KCNN2: variants seen among roughly 807,000 people sequenced by gnomAD.
The protein encoded by KCNN2 is potassium calcium-activated channel subfamily N member 2.
KCNN2 carries 24 observed loss-of-function variants against 55.5 expected under a neutral mutation model. That is an observed-to-expected ratio of 0.43 (90% confidence interval 0.31 to 0.61). KCNN2 has a LOEUF of 0.61. KCNN2 is among the 20% of genes least tolerant of loss of function. The pLI is 0.08. For missense variants in KCNN2, 754 were observed against 853.6 expected (o/e 0.88, Z 1.45); for synonymous variants, 431 against 336.1 (o/e 1.28, Z -3.09).
chr5:114,358,544 G>A (rs76029043), upstream of KCNN2, among the ~76,000 whole-genome samples: 3 of 152,174 alleles, frequency 2.0e-5, no homozygotes, highest in African/African-American at 7.2e-5. Flanking sequence ...GACCTCTGGT[G>A]TTAATCTAGG....
intron 1 of KCNN2, among the ~76,000 whole-genome samples, chr5:114,160,953 T>C (rs919259251): frequency 1.9e-4 from 29 of 152,198 alleles, no homozygotes; most frequent in African/African-American, 7.0e-4. Flanking sequence ...CTTGACTCTT[T>C]ATCCAATTTG....
intron 3 of KCNN2, among the ~76,000 whole-genome samples, chr5:114,417,105 A>G (rs1310072939): frequency 6.6e-6 from 1 of 152,238 alleles, no homozygotes; most frequent in African/African-American, 2.4e-5. Context: ...ATCTTACGAA[A>G]TGAAACATCC....
At chr5:114,250,210 G>A (rs2112625500) in intron 2 of KCNN2, among the ~76,000 whole-genome samples, 1 of 152,288 alleles carries the variant, frequency 6.6e-6, no homozygotes, top group South Asian at 2.1e-4. Context: ...TTTAAAAAAA[G>A]GAATGTTATA....
chr5:114,205,825 A>G lies in KCNN2; in HGVS notation c.-270-15655A>G, dbSNP rs79670277. Among the ~76,000 whole-genome samples the G allele has an allele frequency of 9.8e-5, 15 of 152,342 alleles. No individual in the cohort carries two copies. The East Asian group carries it at 1.3e-3, about 14-fold the overall frequency. Reference sequence around the variant, plus strand: ...TGCTGTCTTTAGCATATTAAAAACCATAAGTGATGAAATCTTTTTTAAGAT... The same window carrying G: ...TGCTGTCTTTAGCATATTAAAAACCGTAAGTGATGAAATCTTTTTTAAGAT... On this transcript the variant is annotated intron_variant, in intron 1 of 10. Coordinates refer to the KCNN2 transcript ENST00000512097.
intron 1 of KCNN2, among the ~76,000 whole-genome samples, chr5:114,118,427 A>C (rs1751761651): frequency 6.6e-6 from 1 of 152,164 alleles, no homozygotes; most frequent in Admixed American, 6.5e-5. Context: ...CGGGAAAGCC[A>C]GTTTGTGTAA....
intron 2 of KCNN2, among the ~76,000 whole-genome samples, chr5:114,237,421 A>C (rs1754525562): frequency 1.3e-5 from 2 of 152,062 alleles, no homozygotes; most frequent in Non-Finnish European, 2.9e-5. Flanking sequence ...GAGCTGACCT[A>C]GATTAGTATC....
chr5:114,139,920 A>T (rs949505237), intron 1 of KCNN2, among the ~76,000 whole-genome samples: 1 of 152,058 alleles, frequency 6.6e-6, no homozygotes, highest in African/African-American at 2.4e-5. Flanking sequence ...ATAGACTTCA[A>T]CCAAAATAAC....
In KCNN2 at chr5:114,258,958, G is replaced by A. The variant is rs113205365; in HGVS notation, c.-185+37393G>A. The stretch of plus-strand genomic sequence containing the variant: ...GCACACCACCAGTGGGGCTGCAGCT[G>A]CCCCTTAAAGCGCTAGAAAAGCCAT... On this transcript the variant is annotated intron_variant, in intron 2 of 10. Transcript: ENST00000512097. 6.3e-3 allele frequency among the ~76,000 whole-genome samples: 958 copies of A among 152,300 alleles called. 8 individuals carry two copies. Among genetic ancestry groups the A allele is most frequent in the African/African-American group, 0.022 (908 of 41,562 alleles).
At chr5:114,447,105 C>T (rs1286564247) in intron 3 of KCNN2, among the ~76,000 whole-genome samples, 1 of 152,134 alleles carries the variant, frequency 6.6e-6, no homozygotes, top group African/African-American at 2.4e-5. Context: ...CTCCTATTTC[C>T]TTTTCTAATA....
intron 1 of KCNN2, among the ~76,000 whole-genome samples, chr5:114,149,322 G>A (rs1274910508): frequency 2.0e-5 from 3 of 152,054 alleles, no homozygotes; most frequent in Admixed American, 6.6e-5. Flanking sequence ...GCACTGAGCC[G>A]AGGAACAAAG....
chr5:114,253,825 T>A (rs1754928692), intron 2 of KCNN2: 1 of 152,238 alleles, frequency 6.6e-6, no homozygotes, highest in Non-Finnish European at 1.5e-5. Flanking sequence ...ATGAATCTTT[T>A]ATAATTATTT....
intron 2 of KCNN2, among the ~76,000 whole-genome samples, chr5:114,385,959 G>T (rs1050614086): frequency 1.3e-5 from 2 of 151,390 alleles, no homozygotes; most frequent in Non-Finnish European, 2.9e-5. Flanking sequence ...CGGGCGGATC[G>T]TGAGGTCAGG....
At chr5:114,131,363 T>C (rs1262386920) in intron 1 of KCNN2, among the ~76,000 whole-genome samples, 2 of 152,196 alleles carry the variant, frequency 1.3e-5, no homozygotes, top group Admixed American at 6.5e-5. Context: ...CTCCCACTTA[T>C]AAGTGAGAAC....
At chr5:114,211,951 C>A (rs1204429486) in intron 1 of KCNN2, among the ~76,000 whole-genome samples, 2 of 150,410 alleles carry the variant, frequency 1.3e-5, no homozygotes, top group Non-Finnish European at 3.0e-5. Context: ...AAAATATTTC[C>A]TTTATATTAA....
intron 1 of KCNN2, among the ~76,000 whole-genome samples, chr5:114,205,545 G>A (rs763361566): frequency 9.9e-5 from 15 of 152,138 alleles, no homozygotes; most frequent in Non-Finnish European, 1.6e-4. Flanking sequence ...CATCACTGTA[G>A]GTGGTATAGA....
chr5:114,206,230 G>T (rs559485634), intron 1 of KCNN2, among the ~76,000 whole-genome samples: 3 of 152,258 alleles, frequency 2.0e-5, no homozygotes, highest in Non-Finnish European at 4.4e-5. Flanking sequence ...CAAGCTACCT[G>T]TTACTGTGAC....
At chr5:114,170,378 C>T (rs1239281582) in intron 1 of KCNN2, among the ~76,000 whole-genome samples, 1 of 151,888 alleles carries the variant, frequency 6.6e-6, no homozygotes, top group Non-Finnish European at 1.5e-5. Flanking sequence ...TTTATTAAGG[C>T]AATAGTGGCA....
intron 3 of KCNN2, among the ~76,000 whole-genome samples, chr5:114,444,919 G>T (rs906815085): frequency 3.9e-5 from 6 of 152,052 alleles, no homozygotes; most frequent in African/African-American, 1.4e-4. Flanking sequence ...ACCCCACATT[G>T]CATCAAGTAC....
chr5:114,401,695 C>A (rs754684884), intron 2 of KCNN2, among the ~76,000 whole-genome samples: 2 of 152,092 alleles, frequency 1.3e-5, no homozygotes, highest in African/African-American at 2.4e-5. Flanking sequence ...GGAGTTTGGT[C>A]TTGAAGGAAT....
Sources: allele counts gnomAD v4.1 joint callset (sites outside exome capture counted in the v4.1 genomes callset), GRCh38; gene constraint gnomAD v4.1.1; transcripts MANE v1.5; gene names NCBI Gene and HGNC (gene_info 2026-07-23, HGNC 2026-07-21).